SH3PXD2A: variants seen among roughly 807,000 people sequenced by gnomAD.
SH3PXD2A encodes SH3 and PX domain-containing protein 2A.
Under a neutral mutation model 115.2 loss-of-function variants are expected in SH3PXD2A, and 32 were observed. The observed-to-expected ratio is 0.28, with a 90% CI of 0.21 to 0.37. The LOEUF (loss-of-function observed/expected upper bound fraction) is 0.37. SH3PXD2A is among the 10% of genes least tolerant of loss of function. The pLI, the probability that SH3PXD2A is intolerant of heterozygous loss-of-function variation, is 1.00. For missense variants in SH3PXD2A, 1,328 were observed against 1,498.7 expected (o/e 0.89, Z 1.88); for synonymous variants, 610 against 629.1 (o/e 0.97, Z 0.45).
chr10:103,633,909 T>C (rs2036826400), intron 8 of SH3PXD2A, among the ~76,000 whole-genome samples: 1 of 152,074 alleles, frequency 6.6e-6, no homozygotes, highest in Non-Finnish European at 1.5e-5. Flanking sequence ...GATGTTGAGA[T>C]GGGAAGAACT....
rs566594854 is a variant in SH3PXD2A at position 103,788,589 on chromosome 10, G to A, written c.153+12693C>T. Among the ~76,000 whole-genome samples, 81 of 152,006 alleles carry A rather than the reference G, an allele frequency of 5.3e-4. 2 individuals carry two copies. The East Asian group carries it at 8.3e-3, about 16-fold the overall frequency. On this transcript the variant is annotated intron_variant, in intron 2 of 14. Transcript: ENST00000369774. ...AATCTAAACTAGTGTCCCTGAGGCCGGGTGCGGTGGCTCACGCCTGTAATC... is the reference window on the plus strand; with the variant it reads ...AATCTAAACTAGTGTCCCTGAGGCCAGGTGCGGTGGCTCACGCCTGTAATC...
chr10:103,834,491 T>C (rs1274858943), intron 1 of SH3PXD2A, among the ~76,000 whole-genome samples: 1 of 152,224 alleles, frequency 6.6e-6, no homozygotes, highest in Non-Finnish European at 1.5e-5. Flanking sequence ...GTTCTGAAAT[T>C]GACTGTGGTG....
Position 103,661,123 on chromosome 10 carries a change from G to C in SH3PXD2A, c.473-9C>G. ...GGCGGTGGCGTCGGCACCTGGCGAG[G>C]GCAGAAAGCACGCGGTGAGCCAGCG... On this transcript the variant is annotated splice_polypyrimidine_tract_variant and intron_variant, in intron 7 of 14. Coordinates refer to ENST00000369774, the MANE Select transcript of SH3PXD2A (RefSeq NM_001394015.1). 1 of 1,611,996 alleles carries C rather than the reference G, an allele frequency of 6.2e-7. No individual in the cohort carries two copies. The highest frequency in any genetic ancestry group is 2.2e-5 in the East Asian group (1 of 44,708).
At chr10:103,618,578 C>T (rs1260779767) in intron 10 of SH3PXD2A, among the ~76,000 whole-genome samples, 1 of 152,236 alleles carries the variant, frequency 6.6e-6, no homozygotes. Context: ...CCACTGTTGT[C>T]CTCTCTGGCG....
chr10:103,710,290 G>A (rs902131305), intron 5 of SH3PXD2A, among the ~76,000 whole-genome samples: 6 of 151,758 alleles, frequency 4.0e-5, no homozygotes, highest in African/African-American at 1.5e-4. Flanking sequence ...CAGGAGAATC[G>A]CTTGAGCCTG....
Position 103,594,429 on chromosome 10 carries a change from C to T in SH3PXD2A, c.*7387G>A, listed in dbSNP as rs2036106284. The T allele has an allele frequency of 6.6e-6, 1 of 152,400 alleles. No individual in the cohort carries two copies. Among genetic ancestry groups the T allele is most frequent in the African/African-American group, 2.4e-5 (1 of 41,430 alleles). The allele number at this position is 152,400 out of a possible 1,614,324, so 9.4% of individuals were successfully genotyped here. On this transcript the variant is annotated 3_prime_UTR_variant, in exon 15 of 15. Transcript: ENST00000369774. Reference sequence around the variant, plus strand: ...ACCTGGAGGAAGGGCTCCTCCTGACCCCACAGAGCCCACTAAGAGCTGGGA... The same window carrying T: ...ACCTGGAGGAAGGGCTCCTCCTGACTCCACAGAGCCCACTAAGAGCTGGGA...
intron 2 of SH3PXD2A, among the ~76,000 whole-genome samples, chr10:103,800,585 C>T (rs2039137534): frequency 6.6e-6 from 1 of 152,208 alleles, no homozygotes; most frequent in Admixed American, 6.5e-5. Flanking sequence ...ACAAGCTTCC[C>T]TGGTCCCTCC....
chr10:103,841,305 C>T (rs1311196006), intron 1 of SH3PXD2A, among the ~76,000 whole-genome samples: 3 of 152,140 alleles, frequency 2.0e-5, no homozygotes, highest in Admixed American at 6.5e-5. Context: ...CCTCCTGGCT[C>T]CCAGCTGGAG....
chr10:103,804,589 T>A (rs1317434564), intron 1 of SH3PXD2A, among the ~76,000 whole-genome samples: 1 of 152,024 alleles, frequency 6.6e-6, no homozygotes, highest in Non-Finnish European at 1.5e-5. Flanking sequence ...CCCAAAGTCC[T>A]GGGATTATAG....
intron 5 of SH3PXD2A, among the ~76,000 whole-genome samples, chr10:103,717,809 C>T (rs1386248616): frequency 6.6e-6 from 1 of 152,164 alleles, no homozygotes; most frequent in South Asian, 2.1e-4. Flanking sequence ...TTGTTGACAC[C>T]ATATGGGAGG....
chr10:103,792,691 A>G (rs728713), intron 2 of SH3PXD2A, among the ~76,000 whole-genome samples: 131,793 of 152,192 alleles, frequency 0.87, 57,899 homozygotes, highest in East Asian at 1. Context: ...GCCCTGGAGC[A>G]CATGCCCTTA....
chr10:103,660,880 A>C, intron 8 of SH3PXD2A, 103 bp downstream of exon 8: 1 of 1,279,638 alleles, frequency 7.8e-7, no homozygotes, highest in Middle Eastern at 1.9e-4. Context: ...AGATGGAAAT[A>C]ACGTATAGCT....
chr10:103,733,288 C>G (rs2038344438), intron 4 of SH3PXD2A, among the ~76,000 whole-genome samples: 2 of 152,190 alleles, frequency 1.3e-5, no homozygotes. Flanking sequence ...AAAGCCTGAT[C>G]CCAGGAGATA....
chr10:103,614,234 GAC>G (rs796414039), intron 11 of SH3PXD2A, among the ~76,000 whole-genome samples: 3 of 152,166 alleles, frequency 2.0e-5, no homozygotes, highest in African/African-American at 7.2e-5. Flanking sequence ...CACTCTGGGA[GAC>G]AGAGTGAGAC....
chr10:103,844,543 C>T (rs755684869), intron 1 of SH3PXD2A, among the ~76,000 whole-genome samples: 1 of 152,308 alleles, frequency 6.6e-6, no homozygotes, highest in Non-Finnish European at 1.5e-5. Flanking sequence ...CTTAGATGGG[C>T]AAAAGCAACC....
intron 1 of SH3PXD2A, among the ~76,000 whole-genome samples, chr10:103,844,434 G>A (rs1313802775): frequency 6.6e-6 from 1 of 152,232 alleles, no homozygotes; most frequent in Non-Finnish European, 1.5e-5. Flanking sequence ...TGGGCCATCA[G>A]GAAATGGGAT....
At chr10:103,703,208 G>C (rs1456233028) in intron 5 of SH3PXD2A, among the ~76,000 whole-genome samples, 1 of 152,192 alleles carries the variant, frequency 6.6e-6, no homozygotes, top group East Asian at 1.9e-4. Context: ...TAGCCCACCT[G>C]CATGGCCCTG....
rs1250577687 is a variant in SH3PXD2A, at chr10:103,602,377, G to C, written c.2841C>G (p.Pro947=). ...CCCCGGGAGGTTTGGAGGGGATGGG[G>C]GGCGTGGCCTTCTTGCTCTGGTTGA... ...NTVNQSKKAT[P]PIPSKPPGGF... The change falls in exon 15 of 15, where the codon CCC becomes CCG. Residue 947 remains proline, a synonymous_variant. Transcript: ENST00000369774. 3 of 1,613,750 alleles carry C rather than the reference G, an allele frequency of 1.9e-6. No homozygotes were observed. The highest frequency in any genetic ancestry group is 2.5e-6 in the Non-Finnish European group (3 of 1,179,954).
intron 1 of SH3PXD2A, among the ~76,000 whole-genome samples, chr10:103,817,709 T>C (rs2039338504): frequency 6.6e-6 from 1 of 152,254 alleles, no homozygotes; most frequent in South Asian, 2.1e-4. Context: ...TTTCTGTTCC[T>C]GTGTTATGGA....
Sources: allele counts gnomAD v4.1 joint callset (sites outside exome capture counted in the v4.1 genomes callset), GRCh38; gene constraint gnomAD v4.1.1; transcripts MANE v1.5; gene names NCBI Gene and HGNC (gene_info 2026-07-23, HGNC 2026-07-21).